The following ATP13A5 variants were observed in gnomAD, a reference collection of about 807,000 sequenced individuals.
ATP13A5 encodes the protein probable cation-transporting ATPase 13A5.
ATP13A5 carries 149 observed loss-of-function variants against 150.2 expected under a neutral mutation model. That is an observed-to-expected ratio of 0.99 (90% CI 0.87 to 1.14). The LOEUF (loss-of-function observed/expected upper bound fraction) is 1.14. Ranked by LOEUF, ATP13A5 falls within the 50% of genes most tolerant of loss-of-function variation. The pLI is 0.00. For synonymous variants in ATP13A5, 497 were observed against 522.2 expected (o/e 0.95, Z 0.66); for missense variants, 1,383 against 1,449.3 (o/e 0.95, Z 0.74).
chr3:193,342,766 G>A (rs958253497), intron 9 of ATP13A5, among the ~76,000 whole-genome samples: 1 of 152,144 alleles, frequency 6.6e-6, no homozygotes, highest in African/African-American at 2.4e-5. Flanking sequence ...TCTGCTCACT[G>A]CCACACTCTC....
chr3:193,378,697 C>G lies in ATP13A5; in HGVS notation c.29G>C (p.Arg10Pro), dbSNP rs770361847. The change falls in exon 1 of 30, where the codon CGG becomes CCG. Residue 10 changes from arginine (R) to proline (P), a missense_variant. By Grantham distance (103) the Arg-to-Pro change is moderately radical. Around this residue, in one of 3 missense-constraint regions of ATP13A5, gnomAD observed 787 missense variants for 771.9 expected, o/e 1.02. Transcript: ENST00000342358. MEENSKKDH[R>P]ALLNQGEEDE... ...CTCCTCTCCCTGGTTGAGCAAAGCC[C>G]GATGGTCCTTCTTACTGTTCTCTTC... 4.3e-6 allele frequency: 7 copies of G among 1,613,926 alleles called. No homozygotes were observed. The highest frequency in any genetic ancestry group is 5.9e-6 in the Non-Finnish European group (7 of 1,179,836).
intron 12 of ATP13A5, 108 bp downstream of exon 12, chr3:193,331,015 T>G: frequency 8.5e-7 from 1 of 1,169,702 alleles, no homozygotes; most frequent in South Asian, 1.5e-5. Flanking sequence ...GGCCTCAACG[T>G]TCCTATCTGT....
At chr3:193,328,728 C>T (rs1356315252) in intron 12 of ATP13A5, among the ~76,000 whole-genome samples, 1 of 152,088 alleles carries the variant, frequency 6.6e-6, no homozygotes, top group Non-Finnish European at 1.5e-5. Context: ...AAGAACTTGT[C>T]TTACAGAAGT....
rs747755115 is a variant in ATP13A5 at position 193,331,205 on chromosome 3, C to T, written c.1379G>A (p.Arg460Lys). Residue 460 changes from arginine (R) to lysine (K), a missense_variant, in exon 12 of 30, where the codon AGA (arginine) becomes AAA (lysine). Coordinates refer to ENST00000342358, the MANE Select transcript of ATP13A5 (RefSeq NM_198505.4). ...LTIGNVYAQK[R>K]LKKKKIFCIS... ...ACAGAAGATTTTCTTTTTCTTCAGTCTCTTCTGAGCATACACGTTGCCTAT... is the reference window on the plus strand; with the variant it reads ...ACAGAAGATTTTCTTTTTCTTCAGTTTCTTCTGAGCATACACGTTGCCTAT... 1.2e-6 allele frequency: 2 copies of T among 1,614,064 alleles called. No individual in the cohort carries two copies. The highest frequency in any genetic ancestry group is 2.2e-5 in the South Asian group (2 of 91,066).
chr3:193,322,621 T>C (rs956837850), intron 14 of ATP13A5, 47 bp from the exon 15 acceptor site: 19 of 1,327,570 alleles, frequency 1.4e-5, no homozygotes, highest in Non-Finnish European at 1.8e-5. Context: ...ATAAAAATAT[T>C]AAGAAAGAAA....
At chr3:193,298,032 G>A (rs1486790252) in intron 25 of ATP13A5, among the ~76,000 whole-genome samples, 2 of 152,034 alleles carry the variant, frequency 1.3e-5, no homozygotes, top group Non-Finnish European at 2.9e-5. Flanking sequence ...TGTGTCCTGT[G>A]CTGTGATGCA....
chr3:193,338,147 T>A (rs1387785779), intron 9 of ATP13A5, among the ~76,000 whole-genome samples: 1 of 152,112 alleles, frequency 6.6e-6, no homozygotes, highest in African/African-American at 2.4e-5. Flanking sequence ...GACGATGGGG[T>A]TTTCTAAATA....
At chr3:193,354,273 G>T in intron 5 of ATP13A5, 77 bp from the exon 6 acceptor site, 2 of 1,281,178 alleles carry the variant, frequency 1.6e-6, no homozygotes, top group Non-Finnish European at 2.2e-6. Flanking sequence ...CTAAACAGAA[G>T]TCATTTTTCT....
rs781704642 is a variant in ATP13A5 at position 193,319,116 on chromosome 3, G to T, written c.1916-8C>A. The T allele has an allele frequency of 1.2e-6, 2 of 1,607,404 alleles. No homozygotes were observed. Among genetic ancestry groups the T allele is most frequent in the African/African-American group, 1.3e-5 (1 of 74,858 alleles). ...GTGGGAAATTCTTGGGCACTGCCAGGGTAGAAGAAACAGGTAAGTGTAAGG... is the reference window on the plus strand; with the variant it reads ...GTGGGAAATTCTTGGGCACTGCCAGTGTAGAAGAAACAGGTAAGTGTAAGG... On this transcript the variant is annotated splice_polypyrimidine_tract_variant and splice_region_variant and intron_variant, in intron 16 of 29. Transcript: ENST00000342358.
intron 19 of ATP13A5, among the ~76,000 whole-genome samples, chr3:193,312,247 G>T (rs190161072): frequency 1.2e-4 from 19 of 152,244 alleles, no homozygotes; most frequent in Admixed American, 1.1e-3. Flanking sequence ...GTTATTACAA[G>T]AATAGGAAAA....
rs985110015 is a variant in ATP13A5 at position 193,276,656 on chromosome 3, G to A, written c.3396+94C>T. On this transcript the variant is annotated intron_variant, in intron 29 of 29. Coordinates refer to ENST00000342358, the MANE Select transcript of ATP13A5 (RefSeq NM_198505.4). ...AACCCTTAATAACTGTCATTTTGGG[G>A]GATCAAAGTGGTTGCTCTAGAAAAT... 1.1e-5 allele frequency: 9 copies of A among 831,844 alleles called. No homozygotes were observed. The African/African-American group carries it at 1.4e-4, about 13-fold the overall frequency. 51.5% of individuals were successfully genotyped at this position (831,844 alleles called of 1,614,324 possible).
intron 9 of ATP13A5, among the ~76,000 whole-genome samples, chr3:193,342,981 T>G (rs1171994851): frequency 1.3e-5 from 2 of 152,144 alleles, no homozygotes; most frequent in African/African-American, 4.8e-5. Context: ...ATTAAAGGAG[T>G]ATTTTGTAAT....
At chr3:193,288,710 C>T (rs977658255) in intron 26 of ATP13A5, among the ~76,000 whole-genome samples, 1 of 152,010 alleles carries the variant, frequency 6.6e-6, no homozygotes, top group African/African-American at 2.4e-5. Context: ...TGACGTAGGC[C>T]TGTAGTAGAT....
intron 1 of ATP13A5, among the ~76,000 whole-genome samples, chr3:193,375,201 A>G (rs972429777): frequency 6.6e-6 from 1 of 152,150 alleles, no homozygotes. Flanking sequence ...CTTATATAAT[A>G]CCTACTGCAG....
Position 193,314,973 on chromosome 3 carries a change from T to A in ATP13A5, c.2157A>T (p.Thr719=). 2 of 1,613,368 alleles carry A rather than the reference T, an allele frequency of 1.2e-6. No individual in the cohort carries two copies. Among genetic ancestry groups the A allele is most frequent in the South Asian group, 2.2e-5 (2 of 90,956 alleles). Residue 719 remains threonine (T), a splice_region_variant and synonymous_variant, in exon 18 of 30, where the codon ACA becomes ACT. Transcript: ENST00000342358. ...AGGCCCCTAGAAACAAATACATACC[T>A]GTAATCATCACAGTCCTGATACGGG... ...SEARIRTVMI[T]GDNLQTAITV...
intron 9 of ATP13A5, among the ~76,000 whole-genome samples, chr3:193,336,504 T>C (rs543177837): frequency 1.3e-5 from 2 of 152,174 alleles, no homozygotes; most frequent in South Asian, 2.1e-4. Flanking sequence ...TTTTTGTCCT[T>C]GAGATAGTTG....
chr3:193,277,131 C>G (rs1402317746), intron 28 of ATP13A5, among the ~76,000 whole-genome samples: 5 of 152,154 alleles, frequency 3.3e-5, no homozygotes, highest in Non-Finnish European at 7.3e-5. Context: ...GGCTATGTGT[C>G]TGTCTCCATT....
intron 23 of ATP13A5, 42 bp from the exon 24 acceptor site, chr3:193,301,349 T>C (rs768951653): frequency 1.4e-6 from 2 of 1,475,338 alleles, no homozygotes; most frequent in African/African-American, 1.4e-5. Flanking sequence ...TTATGTATGA[T>C]AAATGTCTCC....
intron 26 of ATP13A5, among the ~76,000 whole-genome samples, chr3:193,288,004 T>C (rs990689947): frequency 9.9e-5 from 15 of 152,074 alleles, no homozygotes; most frequent in African/African-American, 3.1e-4. Context: ...TAACTGTAGA[T>C]ATGGTGGAAA....
Sources: allele counts gnomAD v4.1 joint callset (sites outside exome capture counted in the v4.1 genomes callset), GRCh38; gene constraint gnomAD v4.1.1; regional missense constraint gnomAD v4.1.1; transcripts MANE v1.5; gene names NCBI Gene and HGNC (gene_info 2026-07-23, HGNC 2026-07-21).